HIVEP3: variants seen among roughly 807,000 people sequenced by gnomAD.
HIVEP3 encodes transcription factor HIVEP3.
Under a neutral mutation model 152.8 loss-of-function variants are expected in HIVEP3, and 49 were observed. The observed-to-expected ratio is 0.32, with a 90% CI of 0.26 to 0.41. The LOEUF is 0.41. Among genes scored for constraint, HIVEP3 ranks in the 10% least tolerant of loss-of-function variants. The pLI, the probability that HIVEP3 is intolerant of heterozygous loss-of-function variation, is 1.00. For missense variants in HIVEP3, 2,790 were observed against 3,103.3 expected (o/e 0.90, Z 2.40); for synonymous variants, 1,269 against 1,289.0 (o/e 0.98, Z 0.33).
At position 41,511,315 on chromosome 1, in the gene HIVEP3, A is replaced by G. The variant is rs1281778306; in HGVS notation, c.6406-49T>C. ...GTAAGGTGAAGGTTACATGCTGGGC[A>G]CATGGGGAGCCGAGGCCTGGAAGTG... On this transcript the variant is annotated intron_variant, in intron 8 of 8. Coordinates refer to ENST00000372583, the MANE Select transcript of HIVEP3 (RefSeq NM_024503.5). This position sits in a 1 kb window ranked among gnomAD's most constrained non-coding sequence, Gnocchi z 4.9. 2 of 1,467,642 alleles carry G rather than the reference A, an allele frequency of 1.4e-6. No individual in the cohort carries two copies. The highest frequency in any genetic ancestry group is 2.2e-5 in the Admixed American group (1 of 46,394). 90.9% of individuals were successfully genotyped at this position (1,467,642 alleles called of 1,614,324 possible).
intron 3 of HIVEP3, among the ~76,000 whole-genome samples, chr1:41,625,354 AACAG>A (rs948612230): frequency 6.6e-6 from 1 of 152,106 alleles, no homozygotes; most frequent in Non-Finnish European, 1.5e-5. Context: ...GATTTTGTGA[AACAG>A]ACAGTCTCAA....
At position 41,845,417 on chromosome 1, in the gene HIVEP3, A is replaced by G. The variant is rs866396812; in HGVS notation, c.-801+72996T>C. Among the ~76,000 whole-genome samples the G allele has an allele frequency of 2.0e-3, 183 of 90,882 alleles. 1 individual carries two copies. The highest frequency in any genetic ancestry group is 0.01 in the African/African-American group (172 of 16,938). 59.6% of individuals were successfully genotyped at this position (90,882 alleles called of 152,430 possible). A position where few individuals can be genotyped will look rare whatever the true frequency, so the allele number is the denominator to read the frequency against. On this transcript the variant is annotated intron_variant, in intron 1 of 8. Coordinates refer to ENST00000372583, the MANE Select transcript of HIVEP3 (RefSeq NM_024503.5). Reference sequence around the variant, plus strand: ...ACACACCTCCTATACACACACACACACGCACACACACACACACACACACAC... The same window carrying G: ...ACACACCTCCTATACACACACACACGCGCACACACACACACACACACACAC...
chr1:41,710,594 G>A (rs1646498600), intron 1 of HIVEP3, among the ~76,000 whole-genome samples: 1 of 152,092 alleles, frequency 6.6e-6, no homozygotes, highest in Non-Finnish European at 1.5e-5. Flanking sequence ...CTTGCTCTCA[G>A]CCCAGTCCTC....
At chr1:41,730,342 G>C (rs1184527719) in intron 1 of HIVEP3, among the ~76,000 whole-genome samples, 1 of 152,210 alleles carries the variant, frequency 6.6e-6, no homozygotes, top group African/African-American at 2.4e-5. Context: ...TAGAGCTGAG[G>C]GGGTGAGGAG....
At chr1:41,808,903 A>C (rs1650788418) in intron 1 of HIVEP3, among the ~76,000 whole-genome samples, 2 of 152,232 alleles carry the variant, frequency 1.3e-5, no homozygotes, top group Admixed American at 6.5e-5. Flanking sequence ...AGTGGCTTTA[A>C]ATGTGTTCTA....
chr1:41,845,894 C>T (rs1187461969), intron 1 of HIVEP3, among the ~76,000 whole-genome samples: 1 of 151,990 alleles, frequency 6.6e-6, no homozygotes, highest in Non-Finnish European at 1.5e-5. Context: ...TGGTGAAACC[C>T]CATCTCTATG....
intron 1 of HIVEP3, among the ~76,000 whole-genome samples, chr1:41,818,919 T>C (rs965392057): frequency 3.3e-5 from 5 of 152,090 alleles, no homozygotes; most frequent in African/African-American, 1.2e-4. Context: ...CAACCTTAAC[T>C]AGAGAAAGAG....
chr1:41,817,508 T>G (rs1642446933), intron 1 of HIVEP3, among the ~76,000 whole-genome samples: 1 of 152,170 alleles, frequency 6.6e-6, no homozygotes, highest in African/African-American at 2.4e-5. Flanking sequence ...GCTGCATGGC[T>G]AGGCTGAGCA....
Position 41,529,676 on chromosome 1 carries a change from C to T in HIVEP3, c.5208-4766G>A, listed in dbSNP as rs942940219. ...CTCACGCCCCTACACACTCCCACAA[C>T]CACACTTGCATCTCCACTTGAATAC... is the stretch of plus-strand genomic sequence containing the variant. On this transcript the variant is annotated intron_variant, in intron 5 of 8. Transcript: ENST00000372583. Among the ~76,000 whole-genome samples, 11 of 145,710 alleles carry T rather than the reference C, an allele frequency of 7.5e-5. No individual in the cohort carries two copies. The East Asian group carries it at 1.0e-3, about 13-fold the overall frequency.
intron 5 of HIVEP3, among the ~76,000 whole-genome samples, chr1:41,545,578 CCACCAT>C (rs1301533846): frequency 1.9e-4 from 24 of 127,480 alleles, no homozygotes; most frequent in African/African-American, 5.1e-4. Flanking sequence ...ACCACCACCA[CCACCAT>C]CACCATCACC....
At chr1:41,530,331 G>A (rs768936862) in intron 5 of HIVEP3, among the ~76,000 whole-genome samples, 8 of 152,232 alleles carry the variant, frequency 5.3e-5, no homozygotes, top group Admixed American at 5.2e-4. Flanking sequence ...AGGGCACTCT[G>A]TGGCCAAGCA....
intron 2 of HIVEP3, among the ~76,000 whole-genome samples, chr1:41,670,658 G>C (rs1350024602): frequency 1.3e-5 from 2 of 152,232 alleles, no homozygotes; most frequent in South Asian, 2.1e-4. Context: ...AAGGGAACCA[G>C]GAATGCAGGG....
At chr1:41,548,477 T>A (rs895025330) in intron 5 of HIVEP3, among the ~76,000 whole-genome samples, 1 of 152,150 alleles carries the variant, frequency 6.6e-6, no homozygotes, top group African/African-American at 2.4e-5. Context: ...TTTAAGCAAC[T>A]CTTTTTAAAA....
chr1:41,902,040 G>A (rs191349884), intron 1 of HIVEP3, among the ~76,000 whole-genome samples: 166 of 152,208 alleles, frequency 1.1e-3, no homozygotes, highest in Non-Finnish European at 2.1e-3. Context: ...GCTAAGAAGT[G>A]AGGAGGGGGA....
Position 41,513,588 on chromosome 1 carries a change from G to A in HIVEP3, c.5633C>T (p.Ser1878Phe). Residue 1878 changes from serine (S) to phenylalanine (F), a missense_variant, in exon 8 of 9, where the codon TCC (serine) becomes TTC (phenylalanine). Coordinates refer to ENST00000372583, the MANE Select transcript of HIVEP3 (RefSeq NM_024503.5). ...EESQDELSRP[S>F]SEAPPPGPPH... ...TGGGCCAGGCGGGGGCGCCTCTGAG[G>A]ATGGTCTGGACAGCTCATCCTGGCT... 1 of 1,613,634 alleles carries A rather than the reference G, an allele frequency of 6.2e-7. No individual in the cohort carries two copies. Among genetic ancestry groups the A allele is most frequent in the Non-Finnish European group, 8.5e-7 (1 of 1,179,924 alleles).
chr1:41,738,811 C>T (rs980438279), intron 1 of HIVEP3, among the ~76,000 whole-genome samples: 1 of 152,052 alleles, frequency 6.6e-6, no homozygotes, highest in Non-Finnish European at 1.5e-5. Flanking sequence ...ACCATAAATG[C>T]CCGCCTCCCT....
intron 5 of HIVEP3, among the ~76,000 whole-genome samples, chr1:41,569,822 A>G (rs1333177181): frequency 6.6e-6 from 1 of 152,254 alleles, no homozygotes; most frequent in Non-Finnish European, 1.5e-5. Context: ...TTGGATAAAA[A>G]TTAATTCAGC....
At chr1:41,954,123 G>A (rs148763394) in intron 1 of HIVEP3, among the ~76,000 whole-genome samples, 30 of 152,342 alleles carry the variant, frequency 2.0e-4, no homozygotes, top group African/African-American at 6.5e-4. Context: ...ATAGAAGAGT[G>A]TGCACCAGGC....
chr1:41,644,693 CTTTTTTTTTTTT>C (rs60511656), intron 2 of HIVEP3, among the ~76,000 whole-genome samples: 45 of 74,736 alleles, frequency 6.0e-4, no homozygotes, highest in Non-Finnish European at 7.2e-4. Context: ...CATATCTGTT[CTTTTTTTTTTTT>C]TTTTTTTTTT....
Sources: allele counts gnomAD v4.1 joint callset (sites outside exome capture counted in the v4.1 genomes callset), GRCh38; gene constraint gnomAD v4.1.1; non-coding constraint Gnocchi (gnomAD v3.1); transcripts MANE v1.5; gene names NCBI Gene and HGNC (gene_info 2026-07-23, HGNC 2026-07-21).